Variants in TDRD3 observed in about 807,000 individuals in gnomAD.
The protein encoded by TDRD3 is tudor domain containing 3.
TDRD3 carries 45 observed loss-of-function variants against 86.7 expected under a neutral mutation model. That is an observed-to-expected ratio of 0.52 (90% CI 0.41 to 0.67). TDRD3 has a LOEUF of 0.67. TDRD3 is among the 30% of genes least tolerant of loss of function. TDRD3 has a pLI of 0.00. For synonymous variants in TDRD3, 298 were observed against 301.7 expected, an observed-to-expected ratio of 0.99 and a Z score of 0.13; for missense variants, 814 against 889.0, an observed-to-expected ratio of 0.92 and a Z score of 1.07.
chr13:60,524,023 G>T (rs1018792698), intron 10 of TDRD3, among the ~76,000 whole-genome samples: 8 of 151,292 alleles, frequency 5.3e-5, no homozygotes, highest in African/African-American at 1.7e-4. Context: ...GTACTCTGCT[G>T]ACTGTACAGA....
intron 1 of TDRD3, among the ~76,000 whole-genome samples, chr13:60,420,868 C>G (rs1954636841): frequency 1.3e-5 from 2 of 152,136 alleles, no homozygotes; most frequent in Non-Finnish European, 2.9e-5. Flanking sequence ...GGCATGAACC[C>G]AGGAGGCGGA....
intron 12 of TDRD3, among the ~76,000 whole-genome samples, chr13:60,561,904 A>T (rs1958343034): frequency 6.7e-6 from 1 of 149,746 alleles, no homozygotes; most frequent in South Asian, 2.2e-4. Context: ...TTTGTAGTAG[A>T]ACTACAAATA....
At chr13:60,493,168 T>G (rs1045210990) in intron 7 of TDRD3, among the ~76,000 whole-genome samples, 1 of 151,852 alleles carries the variant, frequency 6.6e-6, no homozygotes, top group Non-Finnish European at 1.5e-5. Context: ...TCCACCCGTC[T>G]CGGCCTCCCA....
intron 5 of TDRD3, among the ~76,000 whole-genome samples, chr13:60,476,783 A>G (rs1368571769): frequency 2.0e-5 from 3 of 152,030 alleles, no homozygotes; most frequent in Non-Finnish European, 4.4e-5. Context: ...CCTCTTTGTT[A>G]AGCTGTATTC....
chr13:60,513,025 CT>C (rs918493867), intron 10 of TDRD3, among the ~76,000 whole-genome samples: 1 of 152,236 alleles, frequency 6.6e-6, no homozygotes, highest in African/African-American at 2.4e-5. Context: ...GGGCCCGCCC[CT>C]GCAGCAAACT....
intron 1 of TDRD3, among the ~76,000 whole-genome samples, chr13:60,425,617 T>A (rs1308438965): frequency 6.6e-6 from 1 of 152,158 alleles, no homozygotes; most frequent in Non-Finnish European, 1.5e-5. Context: ...CTAATGTCCA[T>A]CGATGGAAAA....
chr13:60,441,023 G>T (rs1235443097), intron 2 of TDRD3, among the ~76,000 whole-genome samples: 1 of 151,838 alleles, frequency 6.6e-6, no homozygotes, highest in African/African-American at 2.4e-5. Flanking sequence ...CAGCTTCTTT[G>T]AATTTTACTT....
chr13:60,524,446 G>T (rs1364630707), intron 10 of TDRD3, among the ~76,000 whole-genome samples: 1 of 151,424 alleles, frequency 6.6e-6, no homozygotes, highest in Admixed American at 6.6e-5. Context: ...GGCGGAGGTT[G>T]CACTGAGCCG....
intron 3 of TDRD3, among the ~76,000 whole-genome samples, chr13:60,453,541 T>C (rs570580712): frequency 1.3e-4 from 20 of 152,348 alleles, no homozygotes; most frequent in African/African-American, 4.8e-4. Context: ...TCAGCTCTTA[T>C]TGGAATAGCA....
chr13:60,513,294 C>A (rs1957098359), intron 10 of TDRD3, among the ~76,000 whole-genome samples: 2 of 152,174 alleles, frequency 1.3e-5, no homozygotes, highest in African/African-American at 4.8e-5. Flanking sequence ...CCCATGAAAC[C>A]ATTTTTTCCT....
chr13:60,480,386 TG>T (rs1956284005), intron 5 of TDRD3, among the ~76,000 whole-genome samples: 1 of 152,198 alleles, frequency 6.6e-6, no homozygotes, highest in Admixed American at 6.5e-5. Flanking sequence ...GGATTCTTTT[TG>T]TAAGGCCCCT....
chr13:60,492,841 T>C (rs950337422), intron 7 of TDRD3, among the ~76,000 whole-genome samples: 2 of 152,012 alleles, frequency 1.3e-5, no homozygotes, highest in African/African-American at 4.8e-5. Flanking sequence ...CCATTAGTGC[T>C]CATCCAACAT....
At chr13:60,565,144 C>T (rs1262223707) in intron 12 of TDRD3, among the ~76,000 whole-genome samples, 1 of 146,492 alleles carries the variant, frequency 6.8e-6, no homozygotes, top group Non-Finnish European at 1.5e-5. Context: ...CAAGCTTCGC[C>T]TCCCGGGTTC....
chr13:60,500,835 A>G (rs1401761296), intron 8 of TDRD3, among the ~76,000 whole-genome samples: 2 of 152,188 alleles, frequency 1.3e-5, no homozygotes, highest in Non-Finnish European at 2.9e-5. Flanking sequence ...TCAATGGGTG[A>G]CCTCAGCAGA....
Position 60,528,796 on chromosome 13 carries a change from G to T in TDRD3, c.1571G>T (p.Gly524Val), listed in dbSNP as rs370553361. 3 of 1,613,738 alleles carry T rather than the reference G, an allele frequency of 1.9e-6. No individual in the cohort carries two copies. In the African/African-American group the frequency reaches 4.0e-5, roughly 22 times the overall value. Residue 524 changes from glycine (G) to valine (V), a missense_variant, in exon 11 of 14, where the codon GGA (glycine) becomes GTA (valine). Physicochemically the swap from Gly to Val is moderately radical, Grantham distance 109 (BLOSUM62 -3). Transcript: ENST00000377881. ...GCAAAAGAAAATCCACTTCCTCAAGGATCTGTAGATTATAATAATCAAAAA... is the reference window on the plus strand; with the variant it reads ...GCAAAAGAAAATCCACTTCCTCAAGTATCTGTAGATTATAATAATCAAAAA... The part of the protein sequence containing the change: ...AEAKENPLPQ[G>V]SVDYNNQKRG...
chr13:60,493,787 A>G (rs1956655267), intron 7 of TDRD3, among the ~76,000 whole-genome samples: 1 of 152,206 alleles, frequency 6.6e-6, no homozygotes, highest in Non-Finnish European at 1.5e-5. Context: ...TTATGTCCTA[A>G]TCTTTTCCTA....
chr13:60,414,808 T>A (rs1259000629), intron 1 of TDRD3, among the ~76,000 whole-genome samples: 14 of 152,124 alleles, frequency 9.2e-5, no homozygotes, highest in Admixed American at 3.3e-4. Context: ...TAGAAATCCT[T>A]CATTGGTTTC....
intron 12 of TDRD3, among the ~76,000 whole-genome samples, chr13:60,558,456 C>T (rs1386559536): frequency 4.6e-5 from 7 of 152,180 alleles, no homozygotes; most frequent in African/African-American, 1.4e-4. Context: ...AAATAATTTA[C>T]AGGCATTGAC....
chr13:60,453,009 C>G (rs1955583809), intron 3 of TDRD3, among the ~76,000 whole-genome samples: 2 of 151,738 alleles, frequency 1.3e-5, no homozygotes, highest in African/African-American at 4.8e-5. Flanking sequence ...TTTCTTCTAC[C>G]TGATTTGAAC....
Sources: gnomAD v4.1 joint callset for allele counts (sites outside exome capture counted in the v4.1 genomes callset) on GRCh38, gnomAD v4.1.1 for gene constraint, MANE v1.5 for transcripts, NCBI Gene and HGNC (gene_info 2026-07-23, HGNC 2026-07-21) for gene names.